Variants in ADAM20 observed in about 807,000 individuals in gnomAD.
ADAM20 encodes disintegrin and metalloproteinase domain-containing protein 20.
For synonymous variants in ADAM20, 305 were observed against 310.2 expected (o/e 0.98, Z 0.18); for missense variants, 871 against 883.2 (o/e 0.99, Z 0.18).
rs1391486915 is a variant in ADAM20 at position 70,534,819 on chromosome 14, T to C, written c.-199A>G. 6.6e-6 allele frequency: 1 copy of C among 152,210 alleles called. No individual in the cohort carries two copies. Among genetic ancestry groups the C allele is most frequent in the Non-Finnish European group, 1.5e-5 (1 of 68,028 alleles). The allele number at this position is 152,210 out of a possible 1,614,324, so 9.4% of individuals were successfully genotyped here. A position where few individuals can be genotyped will look rare whatever the true frequency, so the allele number is the denominator to read the frequency against. ...TACCTCTGTGTCTTTCAGTGTTCCATTTTTATATTTTCAGTCCTCTAATAA... is the reference window on the plus strand; with the variant it reads ...TACCTCTGTGTCTTTCAGTGTTCCACTTTTATATTTTCAGTCCTCTAATAA... On this transcript the variant is annotated 5_prime_UTR_variant, in exon 1 of 2. It removes an upstream start codon present in the reference 5' UTR. Coordinates refer to ENST00000256389, the MANE Select transcript of ADAM20 (RefSeq NM_003814.5).
the ADAM20 span, among the ~76,000 whole-genome samples, chr14:70,564,736 AT>A: frequency 0.21 from 19,383 of 91,402 alleles, 2,107 homozygotes; most frequent in Non-Finnish European, 0.26. Flanking sequence ...GATAGACGCA[AT>A]TTTTTTTTTT....
intron 1 of ADAM20, among the ~76,000 whole-genome samples, chr14:70,529,738 T>C (rs1292456552): frequency 2.6e-5 from 4 of 152,202 alleles, no homozygotes; most frequent in Non-Finnish European, 5.9e-5. Context: ...TAGGAGTTTC[T>C]CTGGGTAAGT....
At chr14:70,545,302 C>A in the ADAM20 span, among the ~76,000 whole-genome samples, 1 of 152,152 alleles carries the variant, frequency 6.6e-6, no homozygotes, top group Non-Finnish European at 1.5e-5. Flanking sequence ...TGACCCTTCC[C>A]CCATCCCACC....
intron 1 of ADAM20, among the ~76,000 whole-genome samples, chr14:70,531,721 T>C (rs2139539366): frequency 6.6e-6 from 1 of 151,944 alleles, no homozygotes; most frequent in South Asian, 2.1e-4. Flanking sequence ...ATAAATCACC[T>C]GAAAAATAAG....
chr14:70,569,303 ACTG>A, the ADAM20 span, among the ~76,000 whole-genome samples: 1 of 152,234 alleles, frequency 6.6e-6, no homozygotes, highest in South Asian at 2.1e-4. Context: ...AAAGAATGAT[ACTG>A]CTACCATAAA....
At position 70,522,971 on chromosome 14, in the gene ADAM20, T is replaced by G; in HGVS notation, c.1787A>C (p.Tyr596Ser). 1 of 1,614,078 alleles carries G rather than the reference T, an allele frequency of 6.2e-7. No homozygotes were observed. Among genetic ancestry groups the G allele is most frequent in the Non-Finnish European group, 8.5e-7 (1 of 1,179,974 alleles). The change falls in exon 2 of 2, where the codon TAT becomes TCT. Residue 596 changes from tyrosine (Y) to serine (S), a missense_variant. Coordinates refer to ENST00000256389, the MANE Select transcript of ADAM20 (RefSeq NM_003814.5). The stretch of plus-strand genomic sequence containing the variant: ...ATCAGGTATAGCCATCCCTAAATGA[T>G]AATCAGTGCCCCAGCAAGTGGTGTC... Reference protein sequence around the residue: ...LNDTTCWGTDYHLGMAIPDIG... With the variant: ...LNDTTCWGTDSHLGMAIPDIG...
chr14:70,559,292 C>T, the ADAM20 span, among the ~76,000 whole-genome samples: 1 of 149,812 alleles, frequency 6.7e-6, no homozygotes, highest in South Asian at 2.1e-4. Context: ...AAAAAAAAAG[C>T]TTACAGTCAT....
intron 1 of ADAM20, among the ~76,000 whole-genome samples, chr14:70,531,048 G>A (rs1463090669): frequency 6.6e-6 from 1 of 151,912 alleles, no homozygotes; most frequent in African/African-American, 2.4e-5. Context: ...AATACAAATT[G>A]GTATTTGAAA....
chr14:70,522,528 T>C lies in ADAM20; in HGVS notation c.*49A>G, dbSNP rs112517334. ...CATATTTTTCTATTAAAAAATTGGA[T>C]ATTAAAAATGAAGTATAAAGTTTAG... On this transcript the variant is annotated 3_prime_UTR_variant, in exon 2 of 2. Transcript: ENST00000256389. The C allele has an allele frequency of 6.9e-7, 1 of 1,443,618 alleles. No individual in the cohort carries two copies. The allele number at this position is 1,443,618 out of a possible 1,614,324, so 89.4% of individuals were successfully genotyped here.
At position 70,522,378 on chromosome 14, in the gene ADAM20, A is replaced by T; in HGVS notation, c.*199T>A. ...ACAACTTCTGGGAAAAGGAACCTTT[A>T]ATATTGCTTAAGACACTGTAGAGTA... On this transcript the variant is annotated 3_prime_UTR_variant, in exon 2 of 2. Coordinates refer to ENST00000256389, the MANE Select transcript of ADAM20 (RefSeq NM_003814.5). 1 of 533,380 alleles carries T rather than the reference A, an allele frequency of 1.9e-6. No individual in the cohort carries two copies. Among genetic ancestry groups the T allele is most frequent in the Non-Finnish European group, 3.2e-6 (1 of 315,298 alleles). The allele number at this position is 533,380 out of a possible 1,614,324, so 33.0% of individuals were successfully genotyped here.
the ADAM20 span, among the ~76,000 whole-genome samples, chr14:70,542,776 T>C: frequency 1.3e-5 from 2 of 152,110 alleles, no homozygotes; most frequent in Admixed American, 6.5e-5. Flanking sequence ...CTGTCTCTAC[T>C]AGAAATACAA....
At chr14:70,531,091 G>A (rs988218633) in intron 1 of ADAM20, among the ~76,000 whole-genome samples, 7 of 151,988 alleles carry the variant, frequency 4.6e-5, no homozygotes, top group Non-Finnish European at 8.8e-5. Flanking sequence ...TTTAACTAGA[G>A]CAGCTAAGAG....
the ADAM20 span, among the ~76,000 whole-genome samples, chr14:70,559,310 T>TC: frequency 2.3e-5 from 3 of 132,040 alleles, no homozygotes; most frequent in South Asian, 7.0e-4. Flanking sequence ...CATCCTTAAT[T>TC]CCTTTTTTTT....
chr14:70,546,707 G>A, the ADAM20 span, among the ~76,000 whole-genome samples: 1 of 151,806 alleles, frequency 6.6e-6, no homozygotes, highest in Middle Eastern at 3.4e-3. Context: ...TCAACAAAAA[G>A]GAAAATCTTC....
chr14:70,559,312 C>CTT, the ADAM20 span, among the ~76,000 whole-genome samples: 3,963 of 147,930 alleles, frequency 0.027, 82 homozygotes, highest in Middle Eastern at 0.056. Flanking sequence ...TCCTTAATTC[C>CTT]TTTTTTTTTT....
chr14:70,522,617 A>G lies in ADAM20; in HGVS notation c.2141T>C (p.Phe714Ser). 6.2e-7 allele frequency: 1 copy of G among 1,612,448 alleles called. No individual in the cohort carries two copies. The change falls in exon 2 of 2, where the codon TTT becomes TCT. Residue 714 changes from phenylalanine to serine, a missense_variant. Physicochemically the swap from Phe to Ser is radical, Grantham distance 155. Coordinates refer to ENST00000256389, the MANE Select transcript of ADAM20 (RefSeq NM_003814.5). ...TTCTTTACTTTTTGTGCGTTTCTTA[A>G]AAAGCACATGTAAGCAAAATAATAA... Reference protein sequence around the residue: ...AFLLFCLHVLFKKRTKSKEDE... With the variant: ...AFLLFCLHVLSKKRTKSKEDE...
At chr14:70,532,320 G>A (rs535733228) in intron 1 of ADAM20, among the ~76,000 whole-genome samples, 52 of 151,698 alleles carry the variant, frequency 3.4e-4, no homozygotes, top group African/African-American at 6.8e-4. Context: ...CACAAAAATC[G>A]CTCAAAATGA....
the ADAM20 span, among the ~76,000 whole-genome samples, chr14:70,554,152 G>T: frequency 1.3e-5 from 2 of 152,112 alleles, no homozygotes; most frequent in African/African-American, 4.8e-5. Context: ...AAATAAAAAA[G>T]TAATCCCATT....
chr14:70,538,137 G>A (rs567018038), upstream of ADAM20, among the ~76,000 whole-genome samples: 7 of 151,780 alleles, frequency 4.6e-5, no homozygotes, highest in South Asian at 4.2e-4. Flanking sequence ...TCTCTGCCCC[G>A]GTGTCCCGCC....
Sources: allele counts gnomAD v4.1 joint callset (sites outside exome capture counted in the v4.1 genomes callset), GRCh38; gene constraint gnomAD v4.1.1; transcripts MANE v1.5; gene names NCBI Gene and HGNC (gene_info 2026-07-23, HGNC 2026-07-21).